PPP1R13L: variants seen among roughly 807,000 people sequenced by gnomAD.
The protein encoded by PPP1R13L is relA-associated inhibitor.
Under a neutral mutation model 80.9 loss-of-function variants are expected in PPP1R13L, and 50 were observed. The ratio of observed to expected loss-of-function variants is 0.62; its 90% CI spans 0.49 to 0.78. The LOEUF (loss-of-function observed/expected upper bound fraction) is 0.78, where lower values mean the gene tolerates loss of function less well. PPP1R13L is among the 30% of genes least tolerant of loss of function. The pLI is 0.00. For synonymous variants in PPP1R13L, 602 were observed against 534.3 expected (o/e 1.13, Z -1.75); for missense variants, 1,200 against 1,205.9 (o/e 1.00, Z 0.07).
Position 45,396,321 on chromosome 19 carries a change from G to T in PPP1R13L, c.811+17C>A. On this transcript the variant is annotated intron_variant, in intron 5 of 12. Coordinates refer to ENST00000360957, the MANE Select transcript of PPP1R13L (RefSeq NM_006663.4). The surrounding 1 kb of genome is among the most constrained non-coding windows in gnomAD (Gnocchi z 5.3). ...CTCTCCTCCGGGTCCTCCATTCCCC[G>T]GGCCTCCACCACTCACGTTCATAGC... 1 of 1,613,926 alleles carries T rather than the reference G, an allele frequency of 6.2e-7. No homozygotes were observed.
intron 7 of PPP1R13L, 100 bp from the exon 8 acceptor site, chr19:45,392,440 G>A: frequency 7.9e-7 from 1 of 1,269,846 alleles, no homozygotes; most frequent in Non-Finnish European, 1.1e-6. Context: ...ATGATTTTCT[G>A]TGTGACCTCA....
In PPP1R13L at chr19:45,396,707, G is replaced by T. The variant is rs773061418; in HGVS notation, c.550C>A (p.Pro184Thr). The T allele has an allele frequency of 1.0e-5, 14 of 1,406,448 alleles. No homozygotes were observed. In the Middle Eastern group the frequency reaches 7.8e-4, roughly 78 times the overall value. The allele number at this position is 1,406,448 out of a possible 1,614,324, so 87.1% of individuals were successfully genotyped here. A position where few individuals can be genotyped will look rare whatever the true frequency, so the allele number is the denominator to read the frequency against. Residue 184 changes from proline (P) to threonine (T), a missense_variant, in exon 4 of 13, where the codon CCC (proline) becomes ACC (threonine). Pro to Thr is a conservative substitution (Grantham distance 38). Coordinates refer to ENST00000360957, the MANE Select transcript of PPP1R13L (RefSeq NM_006663.4). The surrounding 1 kb of genome is among the most constrained non-coding windows in gnomAD (Gnocchi z 5.3). ...PFDFLGRAGS[P>T]RGSPLAEGPQ... ...CCCTCCGCCAGGGGGCTGCCGCGGG[G>T]GGAGCCTGCGCGGCCCAGGAAGTCG...
At chr19:45,395,935 G>T (rs1048878967) in intron 6 of PPP1R13L, 49 bp from the exon 7 acceptor site, 3 of 1,483,682 alleles carry the variant, frequency 2.0e-6, no homozygotes, top group Admixed American at 2.0e-5. Context: ...AGGGAAGGTG[G>T]AGGGGAGGTA....
Position 45,392,102 on chromosome 19 carries a change from AGGGGCCTGCTCCAT to A in PPP1R13L, c.1579_1592del (p.Met527CysfsTer40). The A allele has an allele frequency of 6.5e-7, 1 of 1,548,490 alleles. No individual in the cohort carries two copies. The highest frequency in any genetic ancestry group is 8.7e-7 in the Non-Finnish European group (1 of 1,146,730). On this transcript the variant is annotated frameshift_variant, in exon 8 of 13. Coordinates refer to ENST00000360957, the MANE Select transcript of PPP1R13L (RefSeq NM_006663.4). LOFTEE classifies it high-confidence loss of function. ...TGTGGGTAGGGGGCAGGGCCACAGCAGGGGCCTGCTCCATGGAGCCCCTGCGTTTGAGGGGCCGG... is the reference window on the plus strand; with the variant it reads ...TGTGGGTAGGGGGCAGGGCCACAGCAGGAGCCCCTGCGTTTGAGGGGCCGG...
chr19:45,384,556 T>A (rs966976880), intron 11 of PPP1R13L, among the ~76,000 whole-genome samples: 2 of 145,076 alleles, frequency 1.4e-5, no homozygotes, highest in African/African-American at 5.1e-5. Context: ...TAAAAATAAA[T>A]AAATATTTCG....
At chr19:45,382,283 T>C (rs1244159211) in intron 12 of PPP1R13L, among the ~76,000 whole-genome samples, 1 of 151,406 alleles carries the variant, frequency 6.6e-6, no homozygotes, top group African/African-American at 2.4e-5. Context: ...AATAGAAATT[T>C]AAAAATAAAA....
At chr19:45,382,101 C>T (rs1035867916) in intron 12 of PPP1R13L, among the ~76,000 whole-genome samples, 11 of 151,414 alleles carry the variant, frequency 7.3e-5, no homozygotes, top group African/African-American at 2.7e-4. Context: ...AGTAGCCGGG[C>T]GTGGTGGTGG....
chr19:45,386,845 AG>A (rs1399050586), intron 8 of PPP1R13L, among the ~76,000 whole-genome samples: 1 of 151,738 alleles, frequency 6.6e-6, no homozygotes, highest in African/African-American at 2.4e-5. Context: ...CATGTTGTCC[AG>A]GCTGGTCTCG....
At chr19:45,380,639 G>A (rs975081300) in intron 12 of PPP1R13L, among the ~76,000 whole-genome samples, 2 of 152,118 alleles carry the variant, frequency 1.3e-5, no homozygotes, top group Admixed American at 1.3e-4. Context: ...TCAACATGAC[G>A]AGACCCTGTC....
At position 45,386,019 on chromosome 19, in the gene PPP1R13L, C is replaced by T. The variant is rs762891116; in HGVS notation, c.1947+30G>A. ...CGGCTGGCATCTGCGATGCCCCCGC[C>T]GTGCCCACCTCCCGCTCAGCAGCGC... On this transcript the variant is annotated intron_variant, in intron 9 of 12. Coordinates refer to ENST00000360957, the MANE Select transcript of PPP1R13L (RefSeq NM_006663.4). 7.6e-6 allele frequency: 12 copies of T among 1,582,710 alleles called. No homozygotes were observed. The South Asian group carries it at 1.0e-4, about 14-fold the overall frequency.
rs1006061221 is a variant in PPP1R13L at position 45,393,554 on chromosome 19, T to A, written c.1355-1214A>T. On this transcript the variant is annotated intron_variant, in intron 7 of 12. Coordinates refer to ENST00000360957, the MANE Select transcript of PPP1R13L (RefSeq NM_006663.4). ...ATGCAGTGAGCTGAAACCTCACCAC[T>A]GCATTCCAGCCTGGGCAAGAAGAGT... Among the ~76,000 whole-genome samples the A allele has an allele frequency of 5.9e-5, 9 of 151,304 alleles. No homozygotes were observed. In the Admixed American group the frequency reaches 6.0e-4, roughly 10 times the overall value.
chr19:45,396,565 GC>G lies in PPP1R13L; in HGVS notation c.691del (p.Ala231ProfsTer10). 6.6e-7 allele frequency: 1 copy of G among 1,518,632 alleles called. No homozygotes were observed. The highest frequency in any genetic ancestry group is 8.8e-7 in the Non-Finnish European group (1 of 1,140,696). The allele number at this position is 1,518,632 out of a possible 1,614,324, so 94.1% of individuals were successfully genotyped here. A position where few individuals can be genotyped will look rare whatever the true frequency, so the allele number is the denominator to read the frequency against. On this transcript the variant is annotated frameshift_variant, in exon 4 of 13. Transcript: ENST00000360957. LOFTEE classifies it high-confidence loss of function. This position sits in a 1 kb window ranked among gnomAD's most constrained non-coding sequence, Gnocchi z 5.3. The stretch of plus-strand genomic sequence containing the variant: ...TTCACCTTGCGCGCGCAGAGGCGGG[GC>G]GAATGCGCTGCCGCCGGAGCCTAGC... Reference protein sequence around the residue: ...SLLGSGGSAFAPPLRAQDDLT... With the variant: ...SLLGSGGSAFXPPLRAQDDLT...
At chr19:45,383,802 C>T (rs1300142819) in intron 11 of PPP1R13L, among the ~76,000 whole-genome samples, 5 of 152,018 alleles carry the variant, frequency 3.3e-5, no homozygotes, top group African/African-American at 1.2e-4. Context: ...TGCTCTGTCG[C>T]CCAGGCTGGA....
chr19:45,392,384 C>T (rs1972996220), intron 7 of PPP1R13L, 44 bp from the exon 8 acceptor site: 2 of 1,573,144 alleles, frequency 1.3e-6, no homozygotes, highest in East Asian at 2.2e-5. Flanking sequence ...CCCCAGGAGA[C>T]ACCCAACACT....
chr19:45,388,348 G>A (rs1972908382), intron 8 of PPP1R13L, among the ~76,000 whole-genome samples: 1 of 151,862 alleles, frequency 6.6e-6, no homozygotes, highest in African/African-American at 2.4e-5. Flanking sequence ...AATCTCAGCT[G>A]GGCACAGTGG....
rs1041126896 is a variant in PPP1R13L at position 45,396,994 on chromosome 19, G to A, written c.263C>T (p.Ala88Val). 7.3e-7 allele frequency: 1 copy of A among 1,376,514 alleles called. No individual in the cohort carries two copies. Among genetic ancestry groups the A allele is most frequent in the Non-Finnish European group, 9.4e-7 (1 of 1,066,052 alleles). The allele number at this position is 1,376,514 out of a possible 1,614,324, so 85.3% of individuals were successfully genotyped here. ...PFGSRGSPRK[A>V]ATDGADTPFG... ...CGGGGTGTCTGCGCCGTCGGTGGCC[G>A]CCTTCCGGGGGGACCCTCGGCTGCC... The change falls in exon 4 of 13, where the codon GCG becomes GTG. Residue 88 changes from alanine to valine, a missense_variant. Coordinates refer to ENST00000360957, the MANE Select transcript of PPP1R13L (RefSeq NM_006663.4). The surrounding 1 kb of genome is among the most constrained non-coding windows in gnomAD (Gnocchi z 5.3).
Position 45,391,881 on chromosome 19 carries a change from A to G in PPP1R13L, c.1814T>C (p.Met605Thr). The change falls in exon 8 of 13, where the codon ATG becomes ACG. Residue 605 changes from methionine (M) to threonine (T), a missense_variant and splice_region_variant. Met to Thr is a moderately conservative substitution (Grantham distance 81). Coordinates refer to ENST00000360957, the MANE Select transcript of PPP1R13L (RefSeq NM_006663.4). ...QSSPPEQPQS[M>T]EMRSVLRKAG... ...CCGGTTTCCTCCTGTATTACTTACCATGCTCTGCGGCTGCTCTGGTGGGCT... is the reference window on the plus strand; with the variant it reads ...CCGGTTTCCTCCTGTATTACTTACCGTGCTCTGCGGCTGCTCTGGTGGGCT... The G allele has an allele frequency of 6.8e-7, 1 of 1,476,612 alleles. No homozygotes were observed. Among genetic ancestry groups the G allele is most frequent in the Middle Eastern group, 1.8e-4 (1 of 5,486 alleles). 91.5% of individuals were successfully genotyped at this position (1,476,612 alleles called of 1,614,324 possible).
chr19:45,393,786 T>A (rs1374094762), intron 7 of PPP1R13L, among the ~76,000 whole-genome samples: 1 of 151,810 alleles, frequency 6.6e-6, no homozygotes, highest in Non-Finnish European at 1.5e-5. Context: ...GGCAGGAGAA[T>A]GGCGTGAACC....
intron 11 of PPP1R13L, among the ~76,000 whole-genome samples, chr19:45,384,364 T>TAGAA (rs1235819259): frequency 1.0e-4 from 2 of 19,814 alleles, no homozygotes; most frequent in Non-Finnish European, 1.9e-4. Context: ...CTACTAAAAA[T>TAGAA]ACAAAAAAAA....
Sources: allele counts gnomAD v4.1 joint callset (sites outside exome capture counted in the v4.1 genomes callset), GRCh38; gene constraint gnomAD v4.1.1; non-coding constraint Gnocchi (gnomAD v3.1); transcripts MANE v1.5; gene names NCBI Gene and HGNC (gene_info 2026-07-23, HGNC 2026-07-21).